NLGN4X: variants seen among roughly 807,000 people sequenced by gnomAD.
NLGN4X encodes the protein neuroligin-4, X-linked.
Under a neutral mutation model 40.3 loss-of-function variants are expected in NLGN4X, and 3 were observed. The observed-to-expected ratio is 0.07, with a 90% CI of 0.03 to 0.19. The LOEUF is 0.19. Ranked by LOEUF, NLGN4X falls within the 10% of genes least tolerant of loss-of-function variation. The probability of loss-of-function intolerance (pLI) is 1.00; values close to 1 mark genes in which losing one functional copy is unlikely to be tolerated. For synonymous variants in NLGN4X, 270 were observed against 306.8 expected, an observed-to-expected ratio of 0.88 and a Z score of 1.25; for missense variants, 382 against 708.3, an observed-to-expected ratio of 0.54 and a Z score of 5.23.
chrX:5,928,837 ATT>A (rs35111855), intron 3 of NLGN4X, among the ~76,000 whole-genome samples: 2 of 105,109 alleles, frequency 1.9e-5, no homozygotes, highest in African/African-American at 6.9e-5. Context: ...AGAAAGACTT[ATT>A]TTTTTTTTTA....
chrX:6,149,383 AC>A (rs1341494711), intron 2 of NLGN4X, among the ~76,000 whole-genome samples: 1 of 111,513 alleles, frequency 9.0e-6, no homozygotes, highest in East Asian at 2.8e-4. Context: ...AGCAATTTTA[AC>A]CCTTTGTCCT....
chrX:6,015,721 A>C (rs1394542728), intron 3 of NLGN4X, among the ~76,000 whole-genome samples: 2 of 111,460 alleles, frequency 1.8e-5, no homozygotes, highest in Non-Finnish European at 3.8e-5. Context: ...CTATCCTAAT[A>C]CCCTTTATCT....
intron 2 of NLGN4X, among the ~76,000 whole-genome samples, chrX:6,131,160 A>G: frequency 9.0e-6 from 1 of 111,536 alleles, no homozygotes; most frequent in East Asian, 2.8e-4. Context: ...TAACTTAGAA[A>G]GCAGAAACAA....
chrX:5,921,391 CAG>C (rs56879029), intron 3 of NLGN4X, among the ~76,000 whole-genome samples: 2,137 of 53,017 alleles, frequency 0.04, 75 homozygotes, highest in African/African-American at 0.11. Context: ...GAAAATGAAC[CAG>C]AGAGAGAGAG....
chrX:5,989,934 T>C (rs2035633199), intron 3 of NLGN4X, among the ~76,000 whole-genome samples: 3 of 111,637 alleles, frequency 2.7e-5, no homozygotes, highest in Admixed American at 9.6e-5. Flanking sequence ...TAACAATATA[T>C]ACTCTAATAA....
chrX:6,073,046 GCTTAAAATATTA>G (rs1240864590), intron 2 of NLGN4X, among the ~76,000 whole-genome samples: 3 of 112,086 alleles, frequency 2.7e-5, no homozygotes, highest in Non-Finnish European at 5.6e-5. Context: ...CTGACACCTT[GCTTAAAATATTA>G]CTTCAGCTAT....
intron 2 of NLGN4X, among the ~76,000 whole-genome samples, chrX:6,108,365 T>C (rs1191844764): frequency 8.9e-6 from 1 of 112,016 alleles, no homozygotes; most frequent in Non-Finnish European, 1.9e-5. Flanking sequence ...GTAGAATAAC[T>C]ATGAATGCAC....
At chrX:5,937,174 C>G (rs901924994) in intron 3 of NLGN4X, among the ~76,000 whole-genome samples, 1 of 110,267 alleles carries the variant, frequency 9.1e-6, no homozygotes, top group East Asian at 2.9e-4. Flanking sequence ...CTCCTGGGAT[C>G]AGGTATCCTC....
intron 3 of NLGN4X, among the ~76,000 whole-genome samples, chrX:5,919,094 T>C (rs1461866313): frequency 5.3e-5 from 6 of 112,301 alleles, no homozygotes; most frequent in African/African-American, 1.9e-4. Flanking sequence ...ATGGATCACA[T>C]ACCAGAGTAG....
At chrX:6,051,952 G>A (rs2037503942) in intron 2 of NLGN4X, among the ~76,000 whole-genome samples, 1 of 110,627 alleles carries the variant, frequency 9.0e-6, no homozygotes. Flanking sequence ...TTTATTAGCC[G>A]ACTGGAAGTA....
chrX:6,079,169 A>AAGGC (rs2038283048), intron 2 of NLGN4X, among the ~76,000 whole-genome samples: 1 of 111,397 alleles, frequency 9.0e-6, no homozygotes, highest in African/African-American at 3.3e-5. Context: ...TATAGCAGGG[A>AAGGC]AGGCAGGCAA....
intron 1 of NLGN4X, among the ~76,000 whole-genome samples, chrX:6,215,359 G>A (rs983944605): frequency 2.7e-5 from 3 of 110,290 alleles, no homozygotes; most frequent in African/African-American, 9.9e-5. Flanking sequence ...GAGACCAGCT[G>A]ACCAACATGG....
At position 5,903,662 on chromosome X, in the gene NLGN4X, G is replaced by T. The variant is rs1246937678; in HGVS notation, c.1016C>A (p.Ala339Asp). Reference sequence around the variant, plus strand: ...GTCGCCGTCGATCACCGGCCCGAAGGCTATGTGGTAGGTGGCCGGGGTGAT... The same window carrying T: ...GTCGCCGTCGATCACCGGCCCGAAGTCTATGTGGTAGGTGGCCGGGGTGAT... ...QTITPATYHI[A>D]FGPVIDGDVI... Residue 339 changes from alanine (A) to aspartate (D), a missense_variant, in exon 5 of 6, where the codon GCC becomes GAC. Ala to Asp is a moderately radical substitution (Grantham distance 126). This residue lies in a region of NLGN4X where 149 missense variants were observed against 375.8 expected (regional missense o/e 0.40). Transcript: ENST00000381095. 1 of 1,210,013 alleles carries T rather than the reference G, an allele frequency of 8.3e-7. No individual in the cohort carries two copies. The highest frequency in any genetic ancestry group is 1.1e-6 in the Non-Finnish European group (1 of 895,290).
chrX:5,891,544 T>C lies in NLGN4X; in HGVS notation c.*1273A>G. Reference sequence around the variant, plus strand: ...ATCGGCCAAACCCTCCCGCAGCTGCTAGGGAACACAGAGCCGTATTTACTC... The same window carrying C: ...ATCGGCCAAACCCTCCCGCAGCTGCCAGGGAACACAGAGCCGTATTTACTC... On this transcript the variant is annotated 3_prime_UTR_variant, in exon 6 of 6. Transcript: ENST00000381095. The C allele has an allele frequency of 7.0e-6, 2 of 284,289 alleles. No individual in the cohort carries two copies. The allele number at this position is 284,289 out of a possible 1,213,427, so 23.4% of individuals were successfully genotyped here.
chrX:5,973,898 C>T (rs765560562), intron 3 of NLGN4X, among the ~76,000 whole-genome samples: 8 of 112,323 alleles, frequency 7.1e-5, no homozygotes, highest in African/African-American at 2.6e-4. Context: ...TGGAAACAAT[C>T]TTCGTGTCCA....
intron 3 of NLGN4X, chrX:5,991,583 G>C: frequency 2.1e-6 from 1 of 483,747 alleles, no homozygotes. Context: ...GAAAATCCAC[G>C]AGGAAATAAG....
At chrX:5,932,638 A>G (rs1279680302) in intron 3 of NLGN4X, among the ~76,000 whole-genome samples, 1 of 111,492 alleles carries the variant, frequency 9.0e-6, no homozygotes. Context: ...AAGATGAACA[A>G]GAACCTAATA....
intron 3 of NLGN4X, among the ~76,000 whole-genome samples, chrX:5,923,672 G>C (rs929452000): frequency 3.6e-5 from 4 of 111,552 alleles, no homozygotes; most frequent in African/African-American, 1.3e-4. Flanking sequence ...AACAGCACAG[G>C]AAGGGCCTGC....
chrX:5,934,429 G>A (rs1004902670), intron 3 of NLGN4X, among the ~76,000 whole-genome samples: 7 of 112,032 alleles, frequency 6.2e-5, no homozygotes, highest in Non-Finnish European at 1.1e-4. Context: ...TTGTAAGATA[G>A]AAAGAAAGCT....
Sources: gnomAD v4.1 joint callset for allele counts (sites outside exome capture counted in the v4.1 genomes callset) on GRCh38, gnomAD v4.1.1 for gene constraint, gnomAD v4.1.1 regional missense constraint, MANE v1.5 for transcripts, NCBI Gene and HGNC (gene_info 2026-07-23, HGNC 2026-07-21) for gene names.